Variants in PUM1 observed in about 807,000 individuals in gnomAD.
The protein encoded by PUM1 is pumilio RNA binding family member 1.
PUM1 carries 13 observed loss-of-function variants against 131.8 expected under a neutral mutation model. That is an observed-to-expected ratio of 0.10 (90% CI 0.06 to 0.16). The LOEUF is 0.16. PUM1 is among the 10% of genes least tolerant of loss of function. PUM1 has a pLI of 1.00. For missense variants in PUM1, 961 were observed against 1,512.4 expected (o/e 0.64, Z 6.05); for synonymous variants, 509 against 556.5 (o/e 0.91, Z 1.20).
At chr1:31,040,854 G>A (rs1643792158) in intron 2 of PUM1, among the ~76,000 whole-genome samples, 1 of 152,098 alleles carries the variant, frequency 6.6e-6, no homozygotes, top group Non-Finnish European at 1.5e-5. Flanking sequence ...AAAAGCAACA[G>A]GAAAGAAAAC....
intron 14 of PUM1, among the ~76,000 whole-genome samples, chr1:30,961,142 G>A (rs941041140): frequency 4.0e-5 from 6 of 151,662 alleles, no homozygotes; most frequent in East Asian, 1.9e-4. Flanking sequence ...GGAGTGGGCC[G>A]AGATCACGCC....
intron 2 of PUM1, among the ~76,000 whole-genome samples, chr1:31,048,378 T>A (rs970195912): frequency 6.6e-6 from 1 of 151,880 alleles, no homozygotes; most frequent in Non-Finnish European, 1.5e-5. Context: ...TTTTTTCCTC[T>A]AAGTAAGAAT....
At chr1:30,955,081 A>G (rs1640094691) in intron 14 of PUM1, among the ~76,000 whole-genome samples, 1 of 151,776 alleles carries the variant, frequency 6.6e-6, no homozygotes, top group Non-Finnish European at 1.5e-5. Context: ...AAAAAAACAA[A>G]CAAACAAACA....
rs376190171 is a variant in PUM1 at position 30,961,456 on chromosome 1, T to G, written c.2323+3218A>C. On this transcript the variant is annotated intron_variant, in intron 14 of 21. Transcript: ENST00000426105. ...GAAAGATCCTTTGAGCCCAGGAGTT[T>G]GAGGTTACAGTGAGCTATGATAGCA... Among the ~76,000 whole-genome samples, 6 of 152,052 alleles carry G rather than the reference T, an allele frequency of 3.9e-5. No homozygotes were observed. In the South Asian group the frequency reaches 1.0e-3, roughly 26 times the overall value.
chr1:30,946,361 A>C (rs1639670328), intron 17 of PUM1, among the ~76,000 whole-genome samples: 1 of 150,570 alleles, frequency 6.6e-6, no homozygotes. Context: ...ATCATAGGCC[A>C]GGTGCAGTGG....
intron 17 of PUM1, among the ~76,000 whole-genome samples, chr1:30,947,922 G>A (rs986180553): frequency 1.4e-5 from 2 of 146,618 alleles, no homozygotes; most frequent in African/African-American, 5.1e-5. Context: ...CTGTCACCCA[G>A]GCTGCTCACT....
Position 31,059,236 on chromosome 1 carries a change from G to C in PUM1, c.331C>G (p.Pro111Ala), listed in dbSNP as rs1004702140. 2 of 1,607,334 alleles carry C rather than the reference G, an allele frequency of 1.2e-6. No individual in the cohort carries two copies. The highest frequency in any genetic ancestry group is 1.3e-5 in the African/African-American group (1 of 74,782). ...GGYNNSKHRW[P>A]TGDNIHAEHQ... ...TCTGCATGAATGTTATCCCCAGTAG[G>C]CCATCGATGTTTGCTATTATTATAG... The change falls in exon 2 of 22, where the codon CCT becomes GCT. Residue 111 changes from proline to alanine, a missense_variant. This residue lies in a region of PUM1 where 654 missense variants were observed against 923.9 expected (regional missense o/e 0.71). Coordinates refer to ENST00000426105, the MANE Select transcript of PUM1 (RefSeq NM_001020658.2).
chr1:31,001,149 G>A (rs1186852671), intron 5 of PUM1, among the ~76,000 whole-genome samples: 1 of 151,792 alleles, frequency 6.6e-6, no homozygotes, highest in Non-Finnish European at 1.5e-5. Flanking sequence ...GCGCCACTGC[G>A]CTCTAGCCTG....
At chr1:30,967,770 G>T (rs1431204011) in intron 11 of PUM1, among the ~76,000 whole-genome samples, 1 of 152,176 alleles carries the variant, frequency 6.6e-6, no homozygotes. Flanking sequence ...ATAAAAATAC[G>T]CTGACATCTC....
chr1:31,056,609 C>CTTTTCTTTTTTTTTTTTTTTTTTTTT (rs1644245029), intron 2 of PUM1, among the ~76,000 whole-genome samples: 1 of 43,688 alleles, frequency 2.3e-5, no homozygotes. Context: ...CTTTTCTTTT[C>CTTTTCTTTTTTTTTTTTTTTTTTTTT]TTTTTTTTTT....
chr1:30,999,386 C>T (rs1191004599), intron 5 of PUM1, among the ~76,000 whole-genome samples: 2 of 152,084 alleles, frequency 1.3e-5, no homozygotes, highest in East Asian at 1.9e-4. Context: ...GCAGGCGGAT[C>T]ACCTGAGGTC....
At chr1:30,994,217 T>G (rs866498219) in intron 6 of PUM1, among the ~76,000 whole-genome samples, 3 of 152,214 alleles carry the variant, frequency 2.0e-5, no homozygotes, top group Non-Finnish European at 4.4e-5. Flanking sequence ...CATTTTGACT[T>G]TGGCAGACAT....
chr1:30,979,040 G>A (rs1269258399), intron 9 of PUM1, among the ~76,000 whole-genome samples: 1 of 150,928 alleles, frequency 6.6e-6, no homozygotes, highest in African/African-American at 2.4e-5. Context: ...GGAATTCAAG[G>A]TTACAGTGAA....
rs143472311 is a variant in PUM1, at chr1:30,938,827, C to T, written c.3243-1992G>A. The stretch of plus-strand genomic sequence containing the variant: ...TTGCAGTAAGCCAAGATTGCGCCAC[C>T]GTACTCCAGCCTGGGCGACAGAGCG... On this transcript the variant is annotated intron_variant, in intron 20 of 21. Coordinates refer to ENST00000426105, the MANE Select transcript of PUM1 (RefSeq NM_001020658.2). 5.1e-3 allele frequency among the ~76,000 whole-genome samples: 775 copies of T among 152,052 alleles called. 5 individuals carry two copies. Among genetic ancestry groups the T allele is most frequent in the East Asian group, 0.032 (166 of 5,148 alleles).
At chr1:31,030,416 A>C (rs1461874556) in intron 2 of PUM1, among the ~76,000 whole-genome samples, 1 of 152,080 alleles carries the variant, frequency 6.6e-6, no homozygotes, top group Non-Finnish European at 1.5e-5. Flanking sequence ...GGAGAACATG[A>C]GCCAGAATAC....
chr1:31,055,460 T>G (rs1306576325), intron 2 of PUM1: 1 of 453,992 alleles, frequency 2.2e-6, no homozygotes, highest in Non-Finnish European at 4.4e-6. Context: ...CTAAAACCAG[T>G]ACAATACACT....
At chr1:30,954,215 C>T (rs1640059934) in intron 14 of PUM1, among the ~76,000 whole-genome samples, 3 of 152,156 alleles carry the variant, frequency 2.0e-5, no homozygotes, top group African/African-American at 7.2e-5. Context: ...TGATGGTAGA[C>T]TGCTAGTAAG....
intron 5 of PUM1, among the ~76,000 whole-genome samples, chr1:31,002,337 C>A (rs1026514862): frequency 6.6e-6 from 1 of 152,114 alleles, no homozygotes; most frequent in African/African-American, 2.4e-5. Flanking sequence ...ACAGAACAAA[C>A]AGAAAGACCT....
chr1:31,007,213 G>T, intron 3 of PUM1, 111 bp from the exon 4 acceptor site: 1 of 745,346 alleles, frequency 1.3e-6, no homozygotes, highest in Non-Finnish European at 2.3e-6. Context: ...TGCCCTGAAG[G>T]TCTTTAATTA....
Sources: gnomAD v4.1 joint callset for allele counts (sites outside exome capture counted in the v4.1 genomes callset) on GRCh38, gnomAD v4.1.1 for gene constraint, gnomAD v4.1.1 regional missense constraint, MANE v1.5 for transcripts, NCBI Gene and HGNC (gene_info 2026-07-23, HGNC 2026-07-21) for gene names.